ARMC8: variants seen among roughly 807,000 people sequenced by gnomAD.
ARMC8 encodes armadillo repeat containing 8.
ARMC8 carries 20 observed loss-of-function variants against 99.3 expected under a neutral mutation model. The observed-to-expected ratio is 0.20, with a 90% CI of 0.14 to 0.29. The LOEUF is 0.29. Ranked by LOEUF, ARMC8 falls within the 10% of genes least tolerant of loss-of-function variation. ARMC8 has a pLI of 1.00. For synonymous variants in ARMC8, 263 were observed against 278.3 expected (o/e 0.95, Z 0.55); for missense variants, 569 against 809.5 (o/e 0.70, Z 3.60).
chr3:138,221,610 T>G (rs749745428), intron 2 of ARMC8, among the ~76,000 whole-genome samples: 1 of 152,176 alleles, frequency 6.6e-6, no homozygotes, highest in Non-Finnish European at 1.5e-5. Flanking sequence ...TCCCTACTCT[T>G]AGAGCTGAGC....
At chr3:138,277,138 G>A (rs181126505) in intron 18 of ARMC8, among the ~76,000 whole-genome samples, 10 of 152,274 alleles carry the variant, frequency 6.6e-5, no homozygotes, top group Admixed American at 6.5e-4. Context: ...TATATGGCCA[G>A]TAGATTATTG....
Position 138,256,777 on chromosome 3 carries a change from T to C in ARMC8, c.1135-6962T>C, listed in dbSNP as rs185440635. Among the ~76,000 whole-genome samples, 569 of 152,342 alleles carry C rather than the reference T, an allele frequency of 3.7e-3. 2 individuals are homozygous for C. The highest frequency in any genetic ancestry group is 0.012 in the African/African-American group (495 of 41,574). On this transcript the variant is annotated intron_variant, in intron 12 of 21. Coordinates refer to ENST00000469044, the MANE Select transcript of ARMC8 (RefSeq NM_001363941.2). ...GCCAAGTATAGTATACTAATCTTTA[T>C]TGGCCCAAGATATCAATATATAGTC...
chr3:138,248,304 A>G (rs1210905285), intron 12 of ARMC8, among the ~76,000 whole-genome samples: 2 of 152,212 alleles, frequency 1.3e-5, no homozygotes, highest in African/African-American at 4.8e-5. Flanking sequence ...GATTTTGGTT[A>G]GAGAGAGTAA....
chr3:138,232,141 T>C (rs1158158884), intron 6 of ARMC8, among the ~76,000 whole-genome samples: 2 of 151,426 alleles, frequency 1.3e-5, no homozygotes, highest in African/African-American at 4.9e-5. Context: ...TGGCTAATTT[T>C]CATATTTTTT....
At chr3:138,188,312 G>C in intron 1 of ARMC8, 1 of 1,120,018 alleles carries the variant, frequency 8.9e-7, no homozygotes, top group Non-Finnish European at 1.2e-6. Flanking sequence ...GGGGGAAAAG[G>C]GGGTGAGATT....
intron 1 of ARMC8, among the ~76,000 whole-genome samples, chr3:138,201,565 G>T (rs1338464071): frequency 6.9e-6 from 1 of 144,756 alleles, no homozygotes; most frequent in Non-Finnish European, 1.5e-5. Context: ...GGGTTCAAGC[G>T]ATTCTCGTGC....
chr3:138,242,687 T>C (rs2046684366), intron 11 of ARMC8, among the ~76,000 whole-genome samples: 3 of 152,344 alleles, frequency 2.0e-5, no homozygotes, highest in Admixed American at 2.0e-4. Flanking sequence ...TAGTAGCCAG[T>C]ACTGTTTCAT....
Position 138,209,845 on chromosome 3 carries a change from T to C in ARMC8, c.74T>C (p.Val25Ala). Residue 25 changes from valine (V) to alanine (A), a missense_variant, in exon 2 of 22, where the codon GTT (valine) becomes GCT (alanine). By Grantham distance (64) the Val-to-Ala change is moderately conservative. Around this residue, in one of 2 missense-constraint regions of ARMC8, gnomAD observed 342 missense variants for 391.6 expected, o/e 0.87. Transcript: ENST00000469044. Reference protein sequence around the residue: ...SEVTASSRHYVDRLFDPDPQK... With the variant: ...SEVTASSRHYADRLFDPDPQK... ...GTAACAGCTAGCAGTCGCCACTATG[T>C]TGACAGGCTATTTGACCCTGATCCC... 1 of 1,613,984 alleles carries C rather than the reference T, an allele frequency of 6.2e-7. No homozygotes were observed. The highest frequency in any genetic ancestry group is 8.5e-7 in the Non-Finnish European group (1 of 1,179,906).
chr3:138,190,686 T>C (rs753113048), intron 1 of ARMC8, among the ~76,000 whole-genome samples: 1 of 152,236 alleles, frequency 6.6e-6, no homozygotes, highest in African/African-American at 2.4e-5. Flanking sequence ...GTAAATCTTA[T>C]TCTTCTTACT....
chr3:138,281,823 G>A (rs1198145794), intron 18 of ARMC8, among the ~76,000 whole-genome samples: 1 of 152,166 alleles, frequency 6.6e-6, no homozygotes, highest in Admixed American at 6.5e-5. Context: ...GTGGGTAAGA[G>A]GGGGTAGCTG....
intron 2 of ARMC8, among the ~76,000 whole-genome samples, chr3:138,212,912 A>G (rs2044784269): frequency 6.6e-6 from 1 of 152,246 alleles, no homozygotes. Flanking sequence ...AGCTTTGACT[A>G]CAAGCCAACC....
rs1559998385 is a variant in ARMC8, at chr3:138,256,399, C to CTCCTT, written c.1135-7339_1135-7338insCCTTT. ...CTGTAAAGTATATCTTTTTTTCCTC[C>CTCCTT]TTCTTTTTTTTTTTTTTTTTTTTTT... On this transcript the variant is annotated intron_variant, in intron 12 of 21. Transcript: ENST00000469044. Among the ~76,000 whole-genome samples, 297 of 140,768 alleles carry CTCCTT rather than the reference C, an allele frequency of 2.1e-3. 2 individuals carry two copies. Among genetic ancestry groups the CTCCTT allele is most frequent in the African/African-American group, 7.8e-3 (283 of 36,128 alleles). 92.3% of individuals were successfully genotyped at this position (140,768 alleles called of 152,430 possible).
intron 12 of ARMC8, among the ~76,000 whole-genome samples, chr3:138,247,544 C>T (rs1414990027): frequency 1.3e-5 from 2 of 152,138 alleles, no homozygotes; most frequent in African/African-American, 4.8e-5. Flanking sequence ...GAACATAATT[C>T]AATACATTCG....
At chr3:138,242,014 G>C (rs1405611831) in intron 11 of ARMC8, 31 bp downstream of exon 11, 2 of 1,591,972 alleles carry the variant, frequency 1.3e-6, no homozygotes, top group Non-Finnish European at 1.7e-6. Context: ...AGCAGCTCAA[G>C]GGAGATTTTT....
Position 138,296,360 on chromosome 3 carries a change from G to T in ARMC8, c.*468G>T, listed in dbSNP as rs2051483798. ...TTTCTACAGATTTTCCAGGGTTTAAGCATTGCTTGCTGTATAAAAAACTTT... is the reference window on the plus strand; with the variant it reads ...TTTCTACAGATTTTCCAGGGTTTAATCATTGCTTGCTGTATAAAAAACTTT... On this transcript the variant is annotated 3_prime_UTR_variant, in exon 22 of 22. Transcript: ENST00000469044. 6.6e-6 allele frequency: 1 copy of T among 152,560 alleles called. No homozygotes were observed. Among genetic ancestry groups the T allele is most frequent in the Non-Finnish European group, 1.5e-5 (1 of 68,350 alleles). The allele number at this position is 152,560 out of a possible 1,614,324, so 9.5% of individuals were successfully genotyped here.
At position 138,239,515 on chromosome 3, in the gene ARMC8, G is replaced by A; in HGVS notation, c.824G>A (p.Cys275Tyr). Residue 275 changes from cysteine (C) to tyrosine (Y), a missense_variant, in exon 10 of 22, where the codon TGT (cysteine) becomes TAT (tyrosine). By Grantham distance (194) the Cys-to-Tyr change is radical. Transcript: ENST00000469044. ...RAGAIRTDDN[C>Y]IVLKTLPCLV... ...GGAGCAATTCGGACAGATGATAACT[G>A]TATTGTATTAAAGGTAAGCTAATTA... 2 of 1,595,240 alleles carry A rather than the reference G, an allele frequency of 1.3e-6. No individual in the cohort carries two copies. Among genetic ancestry groups the A allele is most frequent in the Non-Finnish European group, 1.7e-6 (2 of 1,170,246 alleles).
Position 138,295,927 on chromosome 3 carries a change from CT to C in ARMC8, c.*36del. The C allele has an allele frequency of 6.2e-7, 1 of 1,608,458 alleles. No homozygotes were observed. The highest frequency in any genetic ancestry group is 1.1e-5 in the South Asian group (1 of 90,492). ...CCCTGGGCACCTGCGAGCATCCCACCTCCTTGTTTAAGGAAGTACAGGAACC... is the reference window on the plus strand; with the variant it reads ...CCCTGGGCACCTGCGAGCATCCCACCCCTTGTTTAAGGAAGTACAGGAACC... On this transcript the variant is annotated 3_prime_UTR_variant, in exon 22 of 22. Coordinates refer to ENST00000469044, the MANE Select transcript of ARMC8 (RefSeq NM_001363941.2).
intron 1 of ARMC8, among the ~76,000 whole-genome samples, chr3:138,202,161 T>C (rs1490855436): frequency 1.3e-5 from 2 of 152,364 alleles, no homozygotes; most frequent in Non-Finnish European, 2.9e-5. Context: ...AACAGTTTTA[T>C]CTTGAAGTTC....
intron 1 of ARMC8, among the ~76,000 whole-genome samples, chr3:138,194,290 G>T (rs1203518363): frequency 6.9e-6 from 1 of 144,442 alleles, no homozygotes; most frequent in Non-Finnish European, 1.5e-5. Context: ...TGATCCGCCC[G>T]CCGCGGCCTC....
Sources: allele counts gnomAD v4.1 joint callset (sites outside exome capture counted in the v4.1 genomes callset), GRCh38; gene constraint gnomAD v4.1.1; regional missense constraint gnomAD v4.1.1; transcripts MANE v1.5; gene names NCBI Gene and HGNC (gene_info 2026-07-23, HGNC 2026-07-21).